Variants in RAPGEF6 observed in about 807,000 individuals in gnomAD.
RAPGEF6 encodes the protein PDZ domain containing guanine nucleotide exchange factor (GEF) 2.
A neutral mutation model predicts 171.4 loss-of-function variants in RAPGEF6; 56 were observed. The observed-to-expected ratio is 0.33, with a 90% CI of 0.26 to 0.41. The LOEUF (loss-of-function observed/expected upper bound fraction) is 0.41. RAPGEF6 is among the 10% of genes least tolerant of loss of function. The pLI is 1.00. For synonymous variants in RAPGEF6, 692 were observed against 650.1 expected, an observed-to-expected ratio of 1.06 and a Z score of -0.98; for missense variants, 1,674 against 1,921.4, an observed-to-expected ratio of 0.87 and a Z score of 2.41.
At chr5:131,515,824 T>C (rs1320385503) in intron 7 of RAPGEF6, among the ~76,000 whole-genome samples, 1 of 152,140 alleles carries the variant, frequency 6.6e-6, no homozygotes, top group African/African-American at 2.4e-5. Flanking sequence ...GGGCAGAATC[T>C]AGAATGTGTA....
rs1010214874 is a variant in RAPGEF6 at position 131,487,655 on chromosome 5, C to T, written c.1840+1891G>A. Among the ~76,000 whole-genome samples, 5 of 152,274 alleles carry T rather than the reference C, an allele frequency of 3.3e-5. No individual in the cohort carries two copies. The East Asian group carries it at 5.8e-4, about 18-fold the overall frequency. On this transcript the variant is annotated intron_variant, in intron 15 of 27. Transcript: ENST00000509018. ...TGTTTTTACAGAGTGCTGATTGGTG[C>T]GTTTACAATCTCTAGCTAGACAGAA...
intron 4 of RAPGEF6, among the ~76,000 whole-genome samples, chr5:131,584,504 C>T (rs1359472342): frequency 6.6e-6 from 1 of 152,148 alleles, no homozygotes; most frequent in African/African-American, 2.4e-5. Flanking sequence ...GAAAGAAAGA[C>T]CACCAGATTA....
intron 21 of RAPGEF6, among the ~76,000 whole-genome samples, chr5:131,448,818 A>G (rs1487215236): frequency 1.3e-5 from 2 of 152,160 alleles, no homozygotes; most frequent in African/African-American, 4.8e-5. Context: ...ATGCCCACTA[A>G]AAGATATTGT....
chr5:131,539,242 T>C (rs1448259706), intron 6 of RAPGEF6, among the ~76,000 whole-genome samples: 1 of 152,228 alleles, frequency 6.6e-6, no homozygotes, highest in Non-Finnish European at 1.5e-5. Flanking sequence ...TATTTCATTC[T>C]GAAAGTACTT....
intron 16 of RAPGEF6, among the ~76,000 whole-genome samples, chr5:131,476,011 T>C (rs1472134500): frequency 6.6e-6 from 1 of 152,162 alleles, no homozygotes; most frequent in Non-Finnish European, 1.5e-5. Flanking sequence ...ATAACAAATG[T>C]TCAAGAAGAA....
At chr5:131,523,701 C>CAGA (rs1561534117) in intron 6 of RAPGEF6, among the ~76,000 whole-genome samples, 8 of 151,958 alleles carry the variant, frequency 5.3e-5, no homozygotes, top group Admixed American at 5.3e-4. Context: ...AGCAAGTACA[C>CAGA]AGAAGCAAGA....
Position 131,442,626 on chromosome 5 carries a change from T to C in RAPGEF6, c.3422-89A>G, listed in dbSNP as rs550555206. 6 of 1,502,786 alleles carry C rather than the reference T, an allele frequency of 4.0e-6. No individual in the cohort carries two copies. The East Asian group carries it at 1.4e-4, about 35-fold the overall frequency. The allele number at this position is 1,502,786 out of a possible 1,614,324, so 93.1% of individuals were successfully genotyped here. ...ATAATAAATGGTTACTTTAAAACCA[T>C]CTATTTTTAGCACAAAAGATAAAAT... On this transcript the variant is annotated intron_variant, in intron 22 of 27. Transcript: ENST00000509018.
chr5:131,536,102 T>A (rs1482162102), intron 6 of RAPGEF6, among the ~76,000 whole-genome samples: 1 of 152,084 alleles, frequency 6.6e-6, no homozygotes, highest in Non-Finnish European at 1.5e-5. Context: ...AAAAGAAAAA[T>A]TCTGTAGTTT....
intron 15 of RAPGEF6, among the ~76,000 whole-genome samples, chr5:131,486,826 G>A (rs1374612184): frequency 6.6e-6 from 1 of 150,652 alleles, no homozygotes; most frequent in Non-Finnish European, 1.5e-5. Flanking sequence ...GCCTCTCAAG[G>A]GATAAATTTT....
Position 131,487,316 on chromosome 5 carries a change from G to C in RAPGEF6, c.1840+2230C>G, listed in dbSNP as rs545678214. Among the ~76,000 whole-genome samples, 33 of 152,336 alleles carry C rather than the reference G, an allele frequency of 2.2e-4. No homozygotes were observed. In the South Asian group the frequency reaches 6.8e-3, roughly 32 times the overall value. On this transcript the variant is annotated intron_variant, in intron 15 of 27. Coordinates refer to ENST00000509018, the MANE Select transcript of RAPGEF6 (RefSeq NM_016340.6). The stretch of plus-strand genomic sequence containing the variant: ...AGAATGAAAGAACAAAGCTTCCAGA[G>C]GGTGGAAGGGGACCCTGGCAGCTTG...
chr5:131,429,224 G>T lies in RAPGEF6; in HGVS notation c.4466-8C>A. 3.3e-6 allele frequency: 5 copies of T among 1,507,420 alleles called. No individual in the cohort carries two copies. Among genetic ancestry groups the T allele is most frequent in the South Asian group, 1.3e-5 (1 of 77,448 alleles). The allele number at this position is 1,507,420 out of a possible 1,614,324, so 93.4% of individuals were successfully genotyped here. On this transcript the variant is annotated splice_polypyrimidine_tract_variant and splice_region_variant and intron_variant, in intron 26 of 27. Coordinates refer to ENST00000509018, the MANE Select transcript of RAPGEF6 (RefSeq NM_016340.6). ...GTGAGGTGACACAGTACACTGGCAT[G>T]AAAAATAAGCAATGAAAATGTTAAT...
At chr5:131,497,863 A>G (rs2149880130) in intron 12 of RAPGEF6, among the ~76,000 whole-genome samples, 1 of 152,344 alleles carries the variant, frequency 6.6e-6, no homozygotes, top group East Asian at 1.9e-4. Context: ...TTTCCATTAA[A>G]TGTGCAAACA....
intron 1 of RAPGEF6, among the ~76,000 whole-genome samples, chr5:131,610,485 C>T (rs1390446212): frequency 6.6e-6 from 1 of 152,196 alleles, no homozygotes; most frequent in Non-Finnish European, 1.5e-5. Flanking sequence ...GTGTGGAATC[C>T]ACATGACTCG....
At chr5:131,511,549 T>G (rs901280516) in intron 7 of RAPGEF6, among the ~76,000 whole-genome samples, 3 of 149,172 alleles carry the variant, frequency 2.0e-5, no homozygotes, top group Non-Finnish European at 4.4e-5. Flanking sequence ...AGTGTAGTGG[T>G]GTGCACTGCA....
At chr5:131,499,455 CCT>C (rs1756865849) in intron 11 of RAPGEF6, among the ~76,000 whole-genome samples, 1 of 151,822 alleles carries the variant, frequency 6.6e-6, no homozygotes, top group Non-Finnish European at 1.5e-5. Flanking sequence ...GTGGCCGGCG[CCT>C]ATAATCCCAG....
At chr5:131,613,805 T>A (rs1420094593) in intron 1 of RAPGEF6, among the ~76,000 whole-genome samples, 1 of 152,148 alleles carries the variant, frequency 6.6e-6, no homozygotes, top group Middle Eastern at 3.2e-3. Flanking sequence ...ACCAAATTTT[T>A]ATTTTTCCAA....
chr5:131,532,090 CA>C (rs568216357), intron 6 of RAPGEF6: 107 of 431,940 alleles, frequency 2.5e-4, no homozygotes, highest in African/African-American at 2.1e-3. Flanking sequence ...AAGAAAATAA[CA>C]ATTACTTACT....
chr5:131,504,972 T>C (rs1373692644), intron 10 of RAPGEF6, among the ~76,000 whole-genome samples, 194 bp from the exon 11 acceptor site: 1 of 152,130 alleles, frequency 6.6e-6, no homozygotes, highest in African/African-American at 2.4e-5. Flanking sequence ...TCTGTTTGAA[T>C]TTTGCTCTTT....
intron 1 of RAPGEF6, among the ~76,000 whole-genome samples, chr5:131,622,920 A>G (rs756501632): frequency 1.3e-5 from 2 of 152,214 alleles, no homozygotes; most frequent in Non-Finnish European, 2.9e-5. Flanking sequence ...GCCAATTCAG[A>G]AAAAAACTCT....
Sources: allele counts gnomAD v4.1 joint callset (sites outside exome capture counted in the v4.1 genomes callset), GRCh38; gene constraint gnomAD v4.1.1; transcripts MANE v1.5; gene names NCBI Gene and HGNC (gene_info 2026-07-23, HGNC 2026-07-21).